Variants in CXADR observed in about 807,000 individuals in gnomAD.
CXADR encodes the protein CXADR cell adhesion molecule.
Under a neutral mutation model 40.3 loss-of-function variants are expected in CXADR, and 20 were observed. The observed-to-expected ratio is 0.50, with a 90% CI of 0.35 to 0.72. CXADR has a LOEUF of 0.72. CXADR is among the 30% of genes least tolerant of loss of function. The pLI, the probability that CXADR is intolerant of heterozygous loss-of-function variation, is 0.01. For missense variants in CXADR, 332 were observed against 449.1 expected (o/e 0.74, Z 2.36); for synonymous variants, 150 against 161.3 (o/e 0.93, Z 0.53).
intron 6 of CXADR, among the ~76,000 whole-genome samples, chr21:17,564,609 A>T (rs1304691622): frequency 6.6e-6 from 1 of 152,120 alleles, no homozygotes; most frequent in Non-Finnish European, 1.5e-5. Flanking sequence ...AGTGTTTGGT[A>T]TGAAAATTCT....
chr21:17,517,728 G>A (rs916112499), intron 1 of CXADR, among the ~76,000 whole-genome samples: 1 of 152,178 alleles, frequency 6.6e-6, no homozygotes, highest in African/African-American at 2.4e-5. Context: ...TCTTACAAAA[G>A]GTGGGATTAG....
chr21:17,606,672 GT>G, the CXADR span, among the ~76,000 whole-genome samples: 1 of 151,896 alleles, frequency 6.6e-6, no homozygotes, highest in African/African-American at 2.4e-5. Flanking sequence ...TACCTTACAT[GT>G]TTTGTACTAT....
chr21:17,562,152 T>TA (rs11451059), intron 6 of CXADR, among the ~76,000 whole-genome samples: 135,250 of 152,096 alleles, frequency 0.89, 60,184 homozygotes, highest in East Asian at 1. Flanking sequence ...ATACCCCAAT[T>TA]AAAAAATATT....
intron 7 of CXADR, among the ~76,000 whole-genome samples, chr21:17,579,375 C>T (rs2061344355): frequency 6.6e-6 from 1 of 151,718 alleles, no homozygotes; most frequent in African/African-American, 2.4e-5. Flanking sequence ...ACCTCCGTCT[C>T]CCAGGTTCAA....
the CXADR span, chr21:17,613,873 G>A: frequency 6.6e-6 from 1 of 152,040 alleles, no homozygotes; most frequent in Non-Finnish European, 1.5e-5. Context: ...TTAAAAGAGG[G>A]CTAAACCATG....
At chr21:17,616,521 G>T in the CXADR span, among the ~76,000 whole-genome samples, 2 of 151,754 alleles carry the variant, frequency 1.3e-5, no homozygotes, top group Admixed American at 1.3e-4. Flanking sequence ...GTTTTTAGTA[G>T]AGACAAGGTT....
chr21:17,522,754 A>G (rs538070179), intron 1 of CXADR, among the ~76,000 whole-genome samples: 2 of 152,222 alleles, frequency 1.3e-5, no homozygotes, highest in South Asian at 4.1e-4. Flanking sequence ...AAATGCCAAC[A>G]TTTCTCAGTT....
intron 1 of CXADR, among the ~76,000 whole-genome samples, chr21:17,519,611 CT>C (rs2060503885): frequency 6.6e-6 from 1 of 152,208 alleles, no homozygotes; most frequent in African/African-American, 2.4e-5. Flanking sequence ...TTGACCTGCG[CT>C]TTACTGTCTT....
chr21:17,517,353 C>T (rs761242247), intron 1 of CXADR, among the ~76,000 whole-genome samples: 1 of 152,056 alleles, frequency 6.6e-6, no homozygotes, highest in Non-Finnish European at 1.5e-5. Context: ...TCTAAGCATG[C>T]AGGAGGGTAT....
chr21:17,588,094 T>G (rs2061410327), intron 7 of CXADR, among the ~76,000 whole-genome samples: 1 of 152,192 alleles, frequency 6.6e-6, no homozygotes, highest in African/African-American at 2.4e-5. Context: ...TTGGTTTATA[T>G]CTCTGTTTTG....
intron 7 of CXADR, among the ~76,000 whole-genome samples, chr21:17,581,463 T>C (rs1356307788): frequency 6.6e-6 from 1 of 152,214 alleles, no homozygotes; most frequent in Non-Finnish European, 1.5e-5. Flanking sequence ...TCTTGATCTT[T>C]CCTGACCTCA....
the CXADR span, among the ~76,000 whole-genome samples, chr21:17,636,217 A>G: frequency 2.0e-5 from 3 of 152,206 alleles, no homozygotes; most frequent in Non-Finnish European, 4.4e-5. Flanking sequence ...GATAGATGAC[A>G]ATATCGTCTG....
chr21:17,531,422 T>A (rs1191989682), intron 1 of CXADR, among the ~76,000 whole-genome samples: 1 of 152,258 alleles, frequency 6.6e-6, no homozygotes, highest in Non-Finnish European at 1.5e-5. Context: ...ATTATAATTT[T>A]CTTTTCTTAT....
At chr21:17,546,137 A>T (rs1048554276) in intron 1 of CXADR, among the ~76,000 whole-genome samples, 10 of 152,206 alleles carry the variant, frequency 6.6e-5, no homozygotes, top group Admixed American at 2.0e-4. Flanking sequence ...AATTATCCTC[A>T]TCAAAACTTA....
chr21:17,621,900 GA>G, the CXADR span, among the ~76,000 whole-genome samples: 2 of 152,320 alleles, frequency 1.3e-5, no homozygotes, highest in East Asian at 3.9e-4. Flanking sequence ...GTTGTATTAT[GA>G]ATTAAATACC....
chr21:17,581,140 T>C (rs1369604233), intron 7 of CXADR, among the ~76,000 whole-genome samples: 2 of 152,222 alleles, frequency 1.3e-5, no homozygotes, highest in Non-Finnish European at 2.9e-5. Flanking sequence ...AAGCTTTTTT[T>C]CTCCCAAAAC....
At chr21:17,592,922 T>C (rs771232682) in intron 7 of CXADR, among the ~76,000 whole-genome samples, 7 of 151,986 alleles carry the variant, frequency 4.6e-5, no homozygotes, top group Admixed American at 2.6e-4. Context: ...TGCAGTTTTG[T>C]ATTTCAACAG....
chr21:17,546,994 A>G, intron 1 of CXADR, 33 bp from the exon 2 acceptor site: 3 of 1,609,856 alleles, frequency 1.9e-6, no homozygotes, highest in Non-Finnish European at 2.5e-6. Flanking sequence ...GCGTATAGCA[A>G]ATGCTTAGTC....
chr21:17,518,929 C>CG, intron 1 of CXADR: 1 of 1,596,596 alleles, frequency 6.3e-7, no homozygotes, highest in Non-Finnish European at 8.6e-7. Context: ...CTTCTTTCTG[C>CG]GAGCTGTACC....
Sources: allele counts gnomAD v4.1 joint callset (sites outside exome capture counted in the v4.1 genomes callset), GRCh38; gene constraint gnomAD v4.1.1; transcripts MANE v1.5; gene names NCBI Gene and HGNC (gene_info 2026-07-23, HGNC 2026-07-21).